The following CD8B2 variants were observed in gnomAD, a reference collection of about 807,000 sequenced individuals.
CD8B2 encodes CD8B family member 2, also known as T-cell surface glycoprotein CD8 beta-2 chain.
Under a neutral mutation model 23.7 loss-of-function variants are expected in CD8B2, and 11 were observed. That is an observed-to-expected ratio of 0.46 (90% CI 0.29 to 0.77). The LOEUF (loss-of-function observed/expected upper bound fraction) is 0.77. CD8B2 is among the 30% of genes least tolerant of loss of function. The probability of loss-of-function intolerance (pLI) is 0.09; values close to 1 mark genes in which losing one functional copy is unlikely to be tolerated. For synonymous variants in CD8B2, 90 were observed against 109.3 expected (o/e 0.82, Z 1.10); for missense variants, 197 against 270.5 (o/e 0.73, Z 1.91).
rs568047600 is a variant in CD8B2 at position 106,538,182 on chromosome 2, A to G, written c.621-5810A>G. 3.3e-5 allele frequency: 5 copies of G among 152,318 alleles called. No individual in the cohort carries two copies. The South Asian group carries it at 8.3e-4, about 25-fold the overall frequency. The allele number at this position is 152,318 out of a possible 1,614,324, so 9.4% of individuals were successfully genotyped here. On this transcript the variant is annotated intron_variant, in intron 5 of 5. Transcript: ENST00000416057. ...TCATGGTGGCACAAAACTAGCCAATATGACTCAATTCCCAAATAACACTTG... is the reference window on the plus strand; with the variant it reads ...TCATGGTGGCACAAAACTAGCCAATGTGACTCAATTCCCAAATAACACTTG...
intron 5 of CD8B2, 32 bp from the exon 6 acceptor site, chr2:106,506,896 T>C (rs1293718095): frequency 5.0e-6 from 8 of 1,586,344 alleles, no homozygotes; most frequent in Non-Finnish European, 6.9e-6. Context: ...TGCCTGAAAA[T>C]AAGTGGTTTC....
At chr2:106,531,376 T>C (rs570139540) in intron 5 of CD8B2, among the ~76,000 whole-genome samples, 98 of 152,328 alleles carry the variant, frequency 6.4e-4, no homozygotes, top group African/African-American at 2.3e-3. Context: ...ATAATCCAAT[T>C]GCCCCAAATT....
At chr2:106,530,756 A>G (rs1438318901) in intron 5 of CD8B2, among the ~76,000 whole-genome samples, 1 of 152,216 alleles carries the variant, frequency 6.6e-6, no homozygotes, top group Admixed American at 6.5e-5. Context: ...GACACAGGTC[A>G]TAAAGACCTT....
chr2:106,506,009 T>A (rs1340970113), intron 5 of CD8B2, among the ~76,000 whole-genome samples: 1 of 151,942 alleles, frequency 6.6e-6, no homozygotes, highest in Non-Finnish European at 1.5e-5. Flanking sequence ...GGCGGGCGCC[T>A]ATGTAATCCC....
chr2:106,516,412 G>C (rs1032148228), intron 5 of CD8B2, among the ~76,000 whole-genome samples: 18 of 152,102 alleles, frequency 1.2e-4, no homozygotes, highest in Admixed American at 2.0e-4. Context: ...CTTCTTTCCC[G>C]ATGTACCCCT....
downstream of CD8B2, among the ~76,000 whole-genome samples, chr2:106,511,265 A>G (rs990845129): frequency 1.3e-5 from 2 of 152,134 alleles, no homozygotes; most frequent in Non-Finnish European, 2.9e-5. Context: ...TACATTTGCA[A>G]TTGCATTTAC....
chr2:106,543,280 G>T (rs1164443358), intron 5 of CD8B2: 1 of 152,180 alleles, frequency 6.6e-6, no homozygotes, highest in Non-Finnish European at 1.5e-5. Flanking sequence ...CCAGTACTTT[G>T]GGAGGCTGAG....
intron 5 of CD8B2, among the ~76,000 whole-genome samples, chr2:106,533,312 C>T (rs535937653): frequency 1.6e-4 from 24 of 152,262 alleles, no homozygotes; most frequent in Non-Finnish European, 3.1e-4. Flanking sequence ...AGGAACAGGA[C>T]GAAACTCAGA....
chr2:106,514,236 T>C (rs1185367047), downstream of CD8B2, among the ~76,000 whole-genome samples: 3 of 151,276 alleles, frequency 2.0e-5, no homozygotes, highest in Non-Finnish European at 4.4e-5. Flanking sequence ...CTGTGTGTGC[T>C]TCTGTGTGTG....
intron 5 of CD8B2, among the ~76,000 whole-genome samples, chr2:106,531,108 C>T (rs189090881): frequency 3.9e-5 from 6 of 152,296 alleles, no homozygotes; most frequent in Admixed American, 6.5e-5. Flanking sequence ...TTATTTCTTT[C>T]GTGAAATCCA....
chr2:106,537,790 TAGGTTCTGA>T (rs1319263681), intron 5 of CD8B2, among the ~76,000 whole-genome samples: 3 of 152,156 alleles, frequency 2.0e-5, no homozygotes, highest in Non-Finnish European at 4.4e-5. Context: ...TTAAACTTAA[TAGGTTCTGA>T]AGATAAAGTT....
intron 2 of CD8B2, among the ~76,000 whole-genome samples, chr2:106,493,341 G>C (rs912273007): frequency 5.9e-5 from 9 of 152,134 alleles, no homozygotes; most frequent in Non-Finnish European, 1.2e-4. Flanking sequence ...GATTAAACTG[G>C]GGGCTCAGGA....
chr2:106,517,751 C>T (rs1679752200), intron 5 of CD8B2, among the ~76,000 whole-genome samples: 1 of 151,692 alleles, frequency 6.6e-6, no homozygotes, highest in South Asian at 2.1e-4. Flanking sequence ...GTCGCTCCGT[C>T]GCCCAGGCTG....
chr2:106,512,144 T>C (rs1679644237), downstream of CD8B2, among the ~76,000 whole-genome samples: 1 of 152,242 alleles, frequency 6.6e-6, no homozygotes, highest in Non-Finnish European at 1.5e-5. Context: ...GGCGCACTTA[T>C]GGCTCACTGC....
At chr2:106,538,772 T>A (rs1680130003) in intron 5 of CD8B2, among the ~76,000 whole-genome samples, 1 of 152,068 alleles carries the variant, frequency 6.6e-6, no homozygotes, top group Non-Finnish European at 1.5e-5. Context: ...CTTGGACCCC[T>A]CCCTCTTCAT....
chr2:106,520,700 C>T (rs1185026301), intron 5 of CD8B2, among the ~76,000 whole-genome samples: 1 of 152,068 alleles, frequency 6.6e-6, no homozygotes, highest in Non-Finnish European at 1.5e-5. Context: ...TGAAACCTGT[C>T]TCTACTGAAA....
rs147267386 is a variant in CD8B2, at chr2:106,491,003, G to A, written c.173G>A (p.Arg58His). ...SNMCIYWLRQ[R>H]QAPSSDSHHE... ...ATGTGCATCTACTGGCTGAGACAGC[G>A]CCAGGCCCCGAGCAGTGATAGTCAC... The change falls in exon 2 of 6, where the codon CGC (arginine) becomes CAC (histidine). Residue 58 changes from arginine to histidine, a missense_variant. By Grantham distance (29) the Arg-to-His change is conservative (BLOSUM62 0). This residue lies in a region of CD8B2 where 140 missense variants were observed against 164.2 expected (regional missense o/e 0.85). Transcript: ENST00000643224. 0.012 allele frequency: 19,814 copies of A among 1,613,976 alleles called. 152 individuals carry two copies. Among genetic ancestry groups the A allele is most frequent in the Non-Finnish European group, 0.013 (15,862 of 1,179,864 alleles).
chr2:106,530,117 A>G (rs1310101493), intron 5 of CD8B2, among the ~76,000 whole-genome samples: 1 of 152,210 alleles, frequency 6.6e-6, no homozygotes, highest in Non-Finnish European at 1.5e-5. Context: ...GGACTGCAGC[A>G]GTTACCTGAA....
At chr2:106,506,710 C>G (rs931505715) in intron 5 of CD8B2, among the ~76,000 whole-genome samples, 2 of 151,054 alleles carry the variant, frequency 1.3e-5, no homozygotes, top group African/African-American at 4.9e-5. Flanking sequence ...TCAAAGCTAC[C>G]GTTCTTTGAG....
Sources: allele counts gnomAD v4.1 joint callset (sites outside exome capture counted in the v4.1 genomes callset), GRCh38; gene constraint gnomAD v4.1.1; regional missense constraint gnomAD v4.1.1; transcripts MANE v1.5; gene names NCBI Gene and HGNC (gene_info 2026-07-23, HGNC 2026-07-21).